Variants in XIRP2 observed in about 807,000 individuals in gnomAD.
The protein encoded by XIRP2 is xin actin binding repeat containing 2, also known as xin actin-binding repeat-containing protein 2.
XIRP2 carries 236 observed loss-of-function variants against 277.0 expected under a neutral mutation model. The observed-to-expected ratio is 0.85, with a 90% CI of 0.77 to 0.95. The LOEUF (loss-of-function observed/expected upper bound fraction) is 0.95, where lower values mean the gene tolerates loss of function less well. XIRP2 is among the 40% of genes least tolerant of loss of function. The pLI, the probability that XIRP2 is intolerant of heterozygous loss-of-function variation, is 0.00. For synonymous variants in XIRP2, 1,490 were observed against 1,416.5 expected (o/e 1.05, Z -1.17); for missense variants, 4,640 against 4,157.5 (o/e 1.12, Z -3.19).
intron 2 of XIRP2, among the ~76,000 whole-genome samples, chr2:166,962,312 A>G (rs1478986919): frequency 1.3e-5 from 2 of 151,672 alleles, no homozygotes; most frequent in East Asian, 1.9e-4. Flanking sequence ...AACTCCATCT[A>G]AGTCTAGGAA....
intron 2 of XIRP2, among the ~76,000 whole-genome samples, chr2:166,972,316 C>A (rs769300473): frequency 6.6e-6 from 1 of 152,012 alleles, no homozygotes; most frequent in South Asian, 2.1e-4. Context: ...CCAGAACTGA[C>A]AAACACAACA....
intron 3 of XIRP2, among the ~76,000 whole-genome samples, chr2:167,146,973 A>G (rs1691880251): frequency 6.6e-6 from 1 of 152,168 alleles, no homozygotes; most frequent in Non-Finnish European, 1.5e-5. Context: ...TTTTAATATA[A>G]TGAGATAAAT....
intron 1 of XIRP2, among the ~76,000 whole-genome samples, chr2:166,897,721 G>A (rs542204174): frequency 2.6e-5 from 4 of 152,206 alleles, no homozygotes; most frequent in South Asian, 4.1e-4. Flanking sequence ...AGAGCAGGAA[G>A]CTTTTTGGTT....
intron 3 of XIRP2, among the ~76,000 whole-genome samples, chr2:167,188,673 T>A (rs1278870946): frequency 6.6e-6 from 1 of 152,220 alleles, no homozygotes; most frequent in Non-Finnish European, 1.5e-5. Flanking sequence ...CTCTGCCTAA[T>A]CTTTGAGTAT....
intron 2 of XIRP2, among the ~76,000 whole-genome samples, chr2:167,101,100 T>C (rs1011377475): frequency 2.0e-5 from 3 of 152,196 alleles, no homozygotes; most frequent in Admixed American, 2.0e-4. Context: ...ATTTTCTCCC[T>C]GTATTCTAAT....
chr2:167,116,605 T>A (rs1326648379), intron 2 of XIRP2, among the ~76,000 whole-genome samples: 1 of 152,200 alleles, frequency 6.6e-6, no homozygotes, highest in Non-Finnish European at 1.5e-5. Context: ...CTTTCATTGG[T>A]GTGATTAGAT....
At chr2:167,128,557 C>G (rs1691278515) in intron 2 of XIRP2, among the ~76,000 whole-genome samples, 1 of 152,160 alleles carries the variant, frequency 6.6e-6, no homozygotes, top group South Asian at 2.1e-4. Context: ...CGGGGCGGTC[C>G]TGGAGCCAAT....
At chr2:166,905,308 A>G (rs186328633) in intron 2 of XIRP2, among the ~76,000 whole-genome samples, 93 of 152,104 alleles carry the variant, frequency 6.1e-4, no homozygotes, top group African/African-American at 2.2e-3. Context: ...TTTACCCAAG[A>G]TAACTGACAA....
At chr2:167,092,325 A>C (rs1452001690) in intron 2 of XIRP2, among the ~76,000 whole-genome samples, 4 of 152,062 alleles carry the variant, frequency 2.6e-5, no homozygotes, top group African/African-American at 9.7e-5. Flanking sequence ...AAGGCTTCTT[A>C]ATTTTTCCAT....
chr2:166,913,655 C>A (rs1342392420), intron 2 of XIRP2, among the ~76,000 whole-genome samples: 1 of 152,112 alleles, frequency 6.6e-6, no homozygotes, highest in Non-Finnish European at 1.5e-5. Flanking sequence ...CAAAGCAAGC[C>A]AGATTAAAAG....
intron 2 of XIRP2, among the ~76,000 whole-genome samples, chr2:166,956,256 T>A (rs956205780): frequency 1.3e-5 from 2 of 151,936 alleles, no homozygotes; most frequent in Admixed American, 6.6e-5. Flanking sequence ...TGATGAGCAT[T>A]TTTTTGTGTG....
rs1191071546 is a variant in XIRP2, at chr2:167,017,557, G to T, written c.408+113667G>T. ...TTGTAGTTCAATGGGAAACTTGCTG[G>T]AAATCAAGTTCTCCAATGCCAAAGA... On this transcript the variant is annotated intron_variant, in intron 2 of 10. Coordinates refer to ENST00000409195, the MANE Select transcript of XIRP2 (RefSeq NM_152381.6). Among the ~76,000 whole-genome samples, 2 of 151,844 alleles carry T rather than the reference G, an allele frequency of 1.3e-5. 1 individual carries two copies. The highest frequency in any genetic ancestry group is 4.2e-4 in the South Asian group (2 of 4,818).
intron 2 of XIRP2, among the ~76,000 whole-genome samples, chr2:167,028,474 A>G (rs1336784901): frequency 6.6e-6 from 1 of 152,116 alleles, no homozygotes; most frequent in Non-Finnish European, 1.5e-5. Flanking sequence ...TATCTCTATG[A>G]TTCTGTAAGA....
chr2:167,236,208 CT>C (rs1694895062), intron 5 of XIRP2, among the ~76,000 whole-genome samples: 1 of 151,774 alleles, frequency 6.6e-6, no homozygotes, highest in Non-Finnish European at 1.5e-5. Flanking sequence ...ATTGGATATA[CT>C]TCCAAGAGTC....
intron 2 of XIRP2, among the ~76,000 whole-genome samples, chr2:166,922,165 G>A (rs991034210): frequency 2.6e-5 from 4 of 152,058 alleles, no homozygotes; most frequent in Non-Finnish European, 4.4e-5. Context: ...CTTAGACCAC[G>A]GCTTGAATAT....
At chr2:166,994,441 A>G (rs529880833) in intron 2 of XIRP2, among the ~76,000 whole-genome samples, 6,661 of 133,978 alleles carry the variant, frequency 0.05, 38 homozygotes, top group Middle Eastern at 0.085. Context: ...ACTAACCTGC[A>G]CAATGTGCAC....
intron 1 of XIRP2, among the ~76,000 whole-genome samples, chr2:166,901,311 C>G (rs1476165754): frequency 6.6e-6 from 1 of 152,056 alleles, no homozygotes; most frequent in African/African-American, 2.4e-5. Context: ...TCCCAAGGTT[C>G]CTAGGCAGTT....
At chr2:167,045,975 T>C (rs1339476236) in intron 2 of XIRP2, among the ~76,000 whole-genome samples, 1 of 151,730 alleles carries the variant, frequency 6.6e-6, no homozygotes, top group Non-Finnish European at 1.5e-5. Context: ...TGATGCATAG[T>C]TTGTGGAGAG....
At chr2:166,910,172 G>A (rs1296678491) in intron 2 of XIRP2, among the ~76,000 whole-genome samples, 1 of 152,196 alleles carries the variant, frequency 6.6e-6, no homozygotes, top group East Asian at 1.9e-4. Context: ...GATTGGAATA[G>A]TTTCAGAAGG....
Sources: gnomAD v4.1 joint callset for allele counts (sites outside exome capture counted in the v4.1 genomes callset) on GRCh38, gnomAD v4.1.1 for gene constraint, MANE v1.5 for transcripts, NCBI Gene and HGNC (gene_info 2026-07-23, HGNC 2026-07-21) for gene names.